Variants in GAS6 observed in about 807,000 individuals in gnomAD.
The protein encoded by GAS6 is growth arrest-specific protein 6.
GAS6 carries 41 observed loss-of-function variants against 75.8 expected under a neutral mutation model. That is an observed-to-expected ratio of 0.54 (90% CI 0.42 to 0.70). GAS6 has a LOEUF of 0.70. Among genes scored for constraint, GAS6 ranks in the 30% least tolerant of loss-of-function variants. GAS6 has a pLI of 0.00. For synonymous variants in GAS6, 432 were observed against 412.6 expected, an observed-to-expected ratio of 1.05 and a Z score of -0.57; for missense variants, 854 against 940.2, an observed-to-expected ratio of 0.91 and a Z score of 1.20.
chr13:113,847,096 C>T (rs114290134), intron 3 of GAS6: 5,794 of 456,322 alleles, frequency 0.013, 306 homozygotes, highest in African/African-American at 0.11. Flanking sequence ...AGGGATAACC[C>T]GAAGCGTGAG....
At chr13:113,833,327 A>G in intron 8 of GAS6, 3 of 1,000,168 alleles carry the variant, frequency 3.0e-6, no homozygotes, top group Non-Finnish European at 3.6e-6. Context: ...CAGCGAGGCA[A>G]AGAACCTCAA....
At chr13:113,826,047 G>C (rs1384354337) in intron 12 of GAS6, among the ~76,000 whole-genome samples, 1 of 152,194 alleles carries the variant, frequency 6.6e-6, no homozygotes, top group Non-Finnish European at 1.5e-5. Context: ...GGCCCACGTG[G>C]GGTGGGAATG....
chr13:113,839,613 G>T, intron 5 of GAS6, 115 bp downstream of exon 5: 1 of 1,386,918 alleles, frequency 7.2e-7, no homozygotes, highest in Non-Finnish European at 9.8e-7. Flanking sequence ...GCCTCCTTGG[G>T]GCTGTCGGAG....
chr13:113,858,073 C>A (rs2051928431), intron 2 of GAS6, among the ~76,000 whole-genome samples: 1 of 152,220 alleles, frequency 6.6e-6, no homozygotes, highest in Admixed American at 6.5e-5. Context: ...AGTGGAGAGA[C>A]CCTGGGGGTC....
At chr13:113,825,904 C>T (rs1566353980) in intron 12 of GAS6, among the ~76,000 whole-genome samples, 1 of 152,144 alleles carries the variant, frequency 6.6e-6, no homozygotes, top group Non-Finnish European at 1.5e-5. Flanking sequence ...ACCTGGGGTT[C>T]CTGCTGGGTG....
At chr13:113,830,817 C>T (rs1488625167) in intron 10 of GAS6, among the ~76,000 whole-genome samples, 1 of 150,712 alleles carries the variant, frequency 6.6e-6, no homozygotes, top group Non-Finnish European at 1.5e-5. Flanking sequence ...CACCGCTCCC[C>T]CAGGCGACCT....
intron 5 of GAS6, 149 bp downstream of exon 5, chr13:113,839,579 G>A (rs924122392): frequency 7.8e-5 from 76 of 975,334 alleles, no homozygotes; most frequent in Non-Finnish European, 1.0e-4. Flanking sequence ...TTCTCCTGGG[G>A]CTCCAGGATA....
At chr13:113,854,633 A>C (rs2051900310) in intron 2 of GAS6, among the ~76,000 whole-genome samples, 3 of 152,280 alleles carry the variant, frequency 2.0e-5, no homozygotes. Flanking sequence ...GCCCTGAGCC[A>C]GCACAGGCTC....
chr13:113,825,625 T>C (rs1161128950), intron 12 of GAS6, among the ~76,000 whole-genome samples: 2 of 152,154 alleles, frequency 1.3e-5, no homozygotes, highest in Non-Finnish European at 2.9e-5. Context: ...CTGAGAAATG[T>C]GTATGATATT....
At chr13:113,861,214 C>A (rs578134127) in intron 2 of GAS6, among the ~76,000 whole-genome samples, 1 of 152,318 alleles carries the variant, frequency 6.6e-6, no homozygotes, top group African/African-American at 2.4e-5. Flanking sequence ...CCTTCCCTCC[C>A]TCGTAGGAGC....
At chr13:113,821,615 G>A in intron 14 of GAS6, 1 of 334,784 alleles carries the variant, frequency 3.0e-6, no homozygotes, top group Non-Finnish European at 5.5e-6. Context: ...GACAGCCGCG[G>A]GTCCCAACTG....
chr13:113,863,602 C>T lies in GAS6; in HGVS notation c.228G>A (p.Arg76=). The change falls in exon 2 of 15, where the codon CGG becomes CGA. Residue 76 remains arginine (R), a synonymous_variant. Coordinates refer to ENST00000327773, the MANE Select transcript of GAS6 (RefSeq NM_000820.4). This position sits in a 1 kb window ranked among gnomAD's most constrained non-coding sequence, Gnocchi z 9.4. ...TCTCGGGGTCGTTCTCGAACACCTC[C>T]CGCGCCTCCTCGCGGCTGCACAGCT... ...VEELCSREEA[R]EVFENDPETD... The T allele has an allele frequency of 2.0e-6, 3 of 1,523,132 alleles. No individual in the cohort carries two copies. Among genetic ancestry groups the T allele is most frequent in the Non-Finnish European group, 2.6e-6 (3 of 1,135,874 alleles). The allele number at this position is 1,523,132 out of a possible 1,614,324, so 94.4% of individuals were successfully genotyped here.
At chr13:113,821,918 G>T in intron 14 of GAS6, 40 bp downstream of exon 14, 1 of 1,461,136 alleles carries the variant, frequency 6.8e-7, no homozygotes, top group Non-Finnish European at 9.1e-7. Flanking sequence ...GGCCTCCCTG[G>T]AGCTCTTCAC....
chr13:113,853,971 G>A (rs2051894785), intron 2 of GAS6, among the ~76,000 whole-genome samples: 1 of 152,214 alleles, frequency 6.6e-6, no homozygotes, highest in African/African-American at 2.4e-5. Context: ...TGATCCCACT[G>A]CCCACAGGAG....
intron 10 of GAS6, among the ~76,000 whole-genome samples, chr13:113,830,248 G>A (rs965979258): frequency 2.0e-5 from 3 of 152,306 alleles, no homozygotes; most frequent in African/African-American, 4.8e-5. Context: ...AGCAGCTAGA[G>A]AGGGTGGAAT....
chr13:113,832,177 C>G, intron 10 of GAS6, 122 bp downstream of exon 10: 1 of 1,155,290 alleles, frequency 8.7e-7, no homozygotes. Context: ...CCCGTCCTGC[C>G]GGCACGCAGC....
At chr13:113,860,959 G>T (rs775320660) in intron 2 of GAS6, among the ~76,000 whole-genome samples, 2 of 150,398 alleles carry the variant, frequency 1.3e-5, no homozygotes, top group Non-Finnish European at 3.0e-5. Context: ...AGTGGGACAC[G>T]CTTCAGGCAG....
intron 12 of GAS6, 67 bp downstream of exon 12, chr13:113,826,929 T>A (rs970675566): frequency 2.5e-6 from 3 of 1,182,772 alleles, no homozygotes; most frequent in Admixed American, 2.7e-5. Flanking sequence ...GCCGTCTGCT[T>A]GCTTTCAGCG....
chr13:113,855,834 C>T (rs2051910176), intron 2 of GAS6, among the ~76,000 whole-genome samples: 1 of 152,222 alleles, frequency 6.6e-6, no homozygotes, highest in Admixed American at 6.5e-5. Context: ...GCTTCTCCTC[C>T]AGCTTTATCC....
Sources: gnomAD v4.1 joint callset for allele counts (sites outside exome capture counted in the v4.1 genomes callset) on GRCh38, gnomAD v4.1.1 for gene constraint, Gnocchi (gnomAD v3.1) non-coding constraint, MANE v1.5 for transcripts, NCBI Gene and HGNC (gene_info 2026-07-23, HGNC 2026-07-21) for gene names.